SPIDR: variants seen among roughly 807,000 people sequenced by gnomAD.
SPIDR encodes DNA repair-scaffolding protein.
In SPIDR, 93 loss-of-function variants were observed where a neutral mutation model predicts 104.6. That is an observed-to-expected ratio of 0.89 (90% CI 0.75 to 1.06). The LOEUF (loss-of-function observed/expected upper bound fraction) is 1.06. Among genes scored for constraint, SPIDR ranks in the 50% least tolerant of loss-of-function variants. The pLI is 0.00. For missense variants in SPIDR, 1,154 were observed against 1,111.2 expected, an observed-to-expected ratio of 1.04 and a Z score of -0.55; for synonymous variants, 431 against 416.9, an observed-to-expected ratio of 1.03 and a Z score of -0.41.
intron 1 of SPIDR, among the ~76,000 whole-genome samples, chr8:47,267,326 C>T (rs1219573511): frequency 2.6e-5 from 4 of 152,062 alleles, no homozygotes; most frequent in East Asian, 1.9e-4. Flanking sequence ...ACCTGGCCTG[C>T]GTTGAACATT....
chr8:47,413,099 AGCTTTGTGTTG>A, intron 7 of SPIDR, among the ~76,000 whole-genome samples: 1 of 152,332 alleles, frequency 6.6e-6, no homozygotes, highest in East Asian at 1.9e-4. Flanking sequence ...TTACAACATT[AGCTTTGTGTTG>A]GGTTGTGGTG....
rs148292016 is a variant in SPIDR, at chr8:47,510,856, G to T, written c.1097+70314G>T. Among the ~76,000 whole-genome samples the T allele has an allele frequency of 2.8e-4, 43 of 152,088 alleles. 1 individual carries two copies. Among genetic ancestry groups the T allele is most frequent in the Admixed American group, 4.6e-4 (7 of 15,278 alleles). ...TCCATTGATCATCACAAAAACCCAG[G>T]AAATACAACTAAGGAGAAAACAAAT... On this transcript the variant is annotated intron_variant, in intron 8 of 19. Coordinates refer to ENST00000297423, the MANE Select transcript of SPIDR (RefSeq NM_001080394.4).
chr8:47,489,952 C>T (rs1483088700), intron 8 of SPIDR, among the ~76,000 whole-genome samples: 5 of 152,164 alleles, frequency 3.3e-5, no homozygotes, highest in African/African-American at 1.2e-4. Context: ...GCAAGGACTC[C>T]ATGACTAAAA....
At chr8:47,317,298 A>G in intron 5 of SPIDR, among the ~76,000 whole-genome samples, 1 of 152,176 alleles carries the variant, frequency 6.6e-6, no homozygotes, top group Admixed American at 6.5e-5. Flanking sequence ...GCACACCAGG[A>G]GATTGTATCC....
intron 8 of SPIDR, among the ~76,000 whole-genome samples, chr8:47,576,779 A>G (rs761695723): frequency 3.3e-5 from 5 of 152,248 alleles, no homozygotes; most frequent in Non-Finnish European, 7.3e-5. Flanking sequence ...AAATACCTTC[A>G]TATCCATTAT....
chr8:47,617,075 A>C lies in SPIDR; in HGVS notation c.1544+17879A>C, dbSNP rs186524903. The stretch of plus-strand genomic sequence containing the variant: ...TTTAGACAGGTATGGATTTGGGAGA[A>C]AAAGATTGCCTACATAAAATTCCAT... On this transcript the variant is annotated intron_variant, in intron 10 of 19. Coordinates refer to ENST00000297423, the MANE Select transcript of SPIDR (RefSeq NM_001080394.4). 4.7e-4 allele frequency among the ~76,000 whole-genome samples: 71 copies of C among 152,274 alleles called. 1 individual carries two copies. Among genetic ancestry groups the C allele is most frequent in the Non-Finnish European group, 1.5e-5 (1 of 68,030 alleles).
At chr8:47,371,018 A>AC (rs1419099790) in intron 5 of SPIDR, among the ~76,000 whole-genome samples, 3 of 151,224 alleles carry the variant, frequency 2.0e-5, no homozygotes, top group Non-Finnish European at 4.4e-5. Flanking sequence ...TGTGCTGGTC[A>AC]CCAAGGACCT....
chr8:47,558,197 G>A (rs898404255), intron 8 of SPIDR, among the ~76,000 whole-genome samples: 1 of 152,042 alleles, frequency 6.6e-6, no homozygotes, highest in East Asian at 1.9e-4. Context: ...TACTTACTTG[G>A]TACTATGTTC....
chr8:47,278,862 G>T (rs1408192170), intron 1 of SPIDR, among the ~76,000 whole-genome samples: 1 of 152,040 alleles, frequency 6.6e-6, no homozygotes, highest in African/African-American at 2.4e-5. Flanking sequence ...TGAAATGATA[G>T]AAGGAAGCAG....
chr8:47,599,292 T>C, intron 10 of SPIDR, 96 bp downstream of exon 10: 1 of 1,496,722 alleles, frequency 6.7e-7, no homozygotes, highest in South Asian at 1.3e-5. Flanking sequence ...CGTTCTTAGC[T>C]GCATTCACCA....
At chr8:47,374,980 G>A (rs150599418) in intron 5 of SPIDR, among the ~76,000 whole-genome samples, 134 of 152,084 alleles carry the variant, frequency 8.8e-4, no homozygotes, top group African/African-American at 2.5e-3. Flanking sequence ...ACTTGAACCC[G>A]GGCAGTGGAG....
intron 14 of SPIDR, 143 bp downstream of exon 14, chr8:47,702,158 G>A (rs1162685544): frequency 4.0e-6 from 4 of 1,000,056 alleles, no homozygotes; most frequent in Admixed American, 2.3e-5. Flanking sequence ...TTTATTAAAG[G>A]GTAATCTCCT....
At chr8:47,440,174 T>C (rs1374428686) in intron 7 of SPIDR, 149 bp from the exon 8 acceptor site, 3 of 641,592 alleles carry the variant, frequency 4.7e-6, no homozygotes, top group East Asian at 5.5e-5. Flanking sequence ...TCGTAGTGTC[T>C]CTGTTTTACT....
At chr8:47,377,593 T>C (rs1045387491) in intron 5 of SPIDR, among the ~76,000 whole-genome samples, 1 of 152,306 alleles carries the variant, frequency 6.6e-6, no homozygotes, top group East Asian at 1.9e-4. Flanking sequence ...TCTGATTCAG[T>C]TTTGTAGATT....
intron 10 of SPIDR, among the ~76,000 whole-genome samples, chr8:47,634,566 G>A (rs1373672976): frequency 2.0e-5 from 3 of 152,170 alleles, no homozygotes; most frequent in South Asian, 4.1e-4. Context: ...CCACTCTATA[G>A]AGACCCTGAA....
At chr8:47,626,955 A>G (rs1472566768) in intron 10 of SPIDR, among the ~76,000 whole-genome samples, 5 of 152,232 alleles carry the variant, frequency 3.3e-5, no homozygotes. Context: ...TTATTGTGGC[A>G]CTATTCACAA....
chr8:47,395,476 C>T (rs1179314855), intron 5 of SPIDR, among the ~76,000 whole-genome samples: 1 of 152,096 alleles, frequency 6.6e-6, no homozygotes, highest in Non-Finnish European at 1.5e-5. Flanking sequence ...TTAGATGGGA[C>T]TTTTAGTGCA....
chr8:47,503,999 G>T (rs1389012747), intron 8 of SPIDR, among the ~76,000 whole-genome samples: 3 of 152,216 alleles, frequency 2.0e-5, no homozygotes, highest in Non-Finnish European at 4.4e-5. Flanking sequence ...TCTGCCGAGA[G>T]ACCAGCTGTT....
At chr8:47,395,558 G>A (rs1554657799) in intron 5 of SPIDR, among the ~76,000 whole-genome samples, 1 of 152,132 alleles carries the variant, frequency 6.6e-6, no homozygotes, top group East Asian at 1.9e-4. Context: ...ATACAATCAA[G>A]TAACAGGAAA....
Sources: allele counts gnomAD v4.1 joint callset (sites outside exome capture counted in the v4.1 genomes callset), GRCh38; gene constraint gnomAD v4.1.1; transcripts MANE v1.5; gene names NCBI Gene and HGNC (gene_info 2026-07-23, HGNC 2026-07-21).